OCA2: variants seen among roughly 807,000 people sequenced by gnomAD.
OCA2 encodes the protein P protein.
In OCA2, 77 loss-of-function variants were observed where a neutral mutation model predicts 100.2. The ratio of observed to expected loss-of-function variants is 0.77; its 90% CI spans 0.64 to 0.93. The LOEUF is 0.93. Ranked by LOEUF, OCA2 falls within the 40% of genes least tolerant of loss-of-function variation. OCA2 has a pLI of 0.00. For missense variants in OCA2, 1,062 were observed against 1,089.1 expected (o/e 0.98, Z 0.35); for synonymous variants, 432 against 439.2 (o/e 0.98, Z 0.21).
intron 23 of OCA2, among the ~76,000 whole-genome samples, chr15:27,791,425 C>T (rs947488699): frequency 6.6e-6 from 1 of 152,108 alleles, no homozygotes; most frequent in African/African-American, 2.4e-5. Flanking sequence ...GCTATGATTC[C>T]ATTTACATGA....
chr15:27,913,865 A>AAGAAAGAAAGAAAG (rs2038516251), intron 19 of OCA2, among the ~76,000 whole-genome samples: 1 of 51,214 alleles, frequency 2.0e-5, no homozygotes, highest in African/African-American at 9.5e-5. Context: ...GAAAGAAAGA[A>AAGAAAGAAAGAAAG]AGAAAGAAAG....
At chr15:27,826,467 G>A (rs1412433519) in intron 23 of OCA2, among the ~76,000 whole-genome samples, 2 of 152,186 alleles carry the variant, frequency 1.3e-5, no homozygotes, top group Non-Finnish European at 2.9e-5. Context: ...CCATGTCAGG[G>A]ATGCAACTGG....
At chr15:28,009,423 C>T (rs1467697339) in intron 9 of OCA2, among the ~76,000 whole-genome samples, 1 of 152,142 alleles carries the variant, frequency 6.6e-6, no homozygotes, top group Non-Finnish European at 1.5e-5. Context: ...CACAGTGGCT[C>T]ACATCTGTAA....
At position 27,949,434 on chromosome 15, in the gene OCA2, G is replaced by A. The variant is rs144807596; in HGVS notation, c.1951+2350C>T. 1.4e-4 allele frequency among the ~76,000 whole-genome samples: 21 copies of A among 152,204 alleles called. No individual in the cohort carries two copies. In the East Asian group the frequency reaches 3.7e-3, roughly 27 times the overall value. On this transcript the variant is annotated intron_variant, in intron 18 of 23. Coordinates refer to ENST00000354638, the MANE Select transcript of OCA2 (RefSeq NM_000275.3). Reference sequence around the variant, plus strand: ...TCCCCGCACTTTGGGAGGCTGAGGCGGGAGGATCACCTGAGGTCAGCAGTT... The same window carrying A: ...TCCCCGCACTTTGGGAGGCTGAGGCAGGAGGATCACCTGAGGTCAGCAGTT...
chr15:27,943,029 G>A (rs888366813), intron 18 of OCA2, among the ~76,000 whole-genome samples: 3 of 152,024 alleles, frequency 2.0e-5, no homozygotes, highest in South Asian at 2.1e-4. Context: ...ACATATATCA[G>A]GGCTATTTTC....
intron 23 of OCA2, among the ~76,000 whole-genome samples, chr15:27,782,096 T>C (rs1396616168): frequency 6.6e-6 from 1 of 152,242 alleles, no homozygotes; most frequent in Non-Finnish European, 1.5e-5. Flanking sequence ...TTTCTGTCTT[T>C]CCTTTTTTGC....
At chr15:28,016,309 G>T in intron 7 of OCA2, 123 bp from the exon 8 acceptor site, 1 of 795,914 alleles carries the variant, frequency 1.3e-6, no homozygotes, top group Non-Finnish European at 2.2e-6. Flanking sequence ...AAACAGGAGA[G>T]CATCTTTATT....
intron 19 of OCA2, among the ~76,000 whole-genome samples, chr15:27,910,727 G>A (rs2038361261): frequency 6.6e-6 from 1 of 151,900 alleles, no homozygotes; most frequent in Non-Finnish European, 1.5e-5. Flanking sequence ...GGAGGCCGAG[G>A]CAGGTGGATC....
chr15:28,026,963 C>G (rs1465890756), intron 4 of OCA2, among the ~76,000 whole-genome samples: 2 of 152,210 alleles, frequency 1.3e-5, no homozygotes, highest in African/African-American at 4.8e-5. Flanking sequence ...GACAGGGTAC[C>G]GTCGCGTGGC....
intron 23 of OCA2, among the ~76,000 whole-genome samples, chr15:27,822,792 C>A (rs750157537): frequency 6.6e-6 from 1 of 152,130 alleles, no homozygotes; most frequent in African/African-American, 2.4e-5. Flanking sequence ...CACTATGAAT[C>A]CTTTACTGGA....
chr15:27,856,787 A>G (rs1429877887), intron 21 of OCA2, among the ~76,000 whole-genome samples: 1 of 152,174 alleles, frequency 6.6e-6, no homozygotes, highest in East Asian at 1.9e-4. Context: ...CTAGTTGACT[A>G]TAGAGATAAT....
At chr15:27,897,144 G>A (rs553105396) in intron 19 of OCA2, among the ~76,000 whole-genome samples, 19 of 151,192 alleles carry the variant, frequency 1.3e-4, no homozygotes, top group African/African-American at 1.9e-4. Context: ...GAGACGAGAC[G>A]GTGCCACTAC....
chr15:27,877,345 G>A (rs540895373), intron 19 of OCA2, among the ~76,000 whole-genome samples: 2 of 151,836 alleles, frequency 1.3e-5, no homozygotes, highest in African/African-American at 4.8e-5. Flanking sequence ...GAATCAACGT[G>A]GTTGATAATG....
At chr15:27,913,206 T>C (rs1213665860) in intron 19 of OCA2, among the ~76,000 whole-genome samples, 1 of 152,198 alleles carries the variant, frequency 6.6e-6, no homozygotes, top group Non-Finnish European at 1.5e-5. Context: ...ATTCTACTAA[T>C]GTTAATTTTC....
intron 19 of OCA2, among the ~76,000 whole-genome samples, chr15:27,889,028 G>A (rs1413696134): frequency 6.6e-6 from 1 of 152,162 alleles, no homozygotes; most frequent in Non-Finnish European, 1.5e-5. Flanking sequence ...AGACATCAAG[G>A]AAGGCTTCCT....
chr15:27,858,878 A>T (rs1168643256), intron 21 of OCA2, among the ~76,000 whole-genome samples: 4 of 152,074 alleles, frequency 2.6e-5, no homozygotes, highest in Non-Finnish European at 4.4e-5. Context: ...TGAAACTAGA[A>T]ATCAGTAACA....
intron 21 of OCA2, among the ~76,000 whole-genome samples, chr15:27,861,690 G>T (rs1235185870): frequency 2.6e-5 from 4 of 152,130 alleles, no homozygotes; most frequent in African/African-American, 9.7e-5. Context: ...ATCTTGGAGA[G>T]AACTATGTCC....
chr15:27,888,101 T>G (rs2037307031), intron 19 of OCA2, among the ~76,000 whole-genome samples: 1 of 152,134 alleles, frequency 6.6e-6, no homozygotes. Flanking sequence ...GGAAGCCTCT[T>G]CACTTCTGCA....
At chr15:27,878,794 T>C (rs1284721134) in intron 19 of OCA2, among the ~76,000 whole-genome samples, 1 of 152,196 alleles carries the variant, frequency 6.6e-6, no homozygotes, top group Non-Finnish European at 1.5e-5. Flanking sequence ...CTTTTTCTCT[T>C]AATCTCTTGC....
Sources: gnomAD v4.1 joint callset for allele counts (sites outside exome capture counted in the v4.1 genomes callset) on GRCh38, gnomAD v4.1.1 for gene constraint, MANE v1.5 for transcripts, NCBI Gene and HGNC (gene_info 2026-07-23, HGNC 2026-07-21) for gene names.